The following CDKAL1 variants were observed in gnomAD, a reference collection of about 807,000 sequenced individuals.
CDKAL1 encodes threonylcarbamoyladenosine tRNA methylthiotransferase.
In CDKAL1, 32 loss-of-function variants were observed where a neutral mutation model predicts 68.2. That is an observed-to-expected ratio of 0.47 (90% CI 0.35 to 0.63). CDKAL1 has a LOEUF of 0.63. Ranked by LOEUF, CDKAL1 falls within the 30% of genes least tolerant of loss-of-function variation. The pLI is 0.00. For missense variants in CDKAL1, 606 were observed against 696.7 expected (o/e 0.87, Z 1.47); for synonymous variants, 234 against 244.3 (o/e 0.96, Z 0.39).
chr6:21,138,876 T>C (rs1775754565), intron 13 of CDKAL1, among the ~76,000 whole-genome samples: 1 of 152,198 alleles, frequency 6.6e-6, no homozygotes, highest in Admixed American at 6.5e-5. Context: ...GTCCAGTTTG[T>C]CTCCTCCGGC....
intron 5 of CDKAL1, among the ~76,000 whole-genome samples, chr6:20,722,987 C>G (rs1317770756): frequency 6.6e-6 from 1 of 152,150 alleles, no homozygotes; most frequent in Non-Finnish European, 1.5e-5. Flanking sequence ...TTTCCATCTT[C>G]ACCATCCTTC....
At chr6:20,861,274 A>G (rs1759611651) in intron 9 of CDKAL1, among the ~76,000 whole-genome samples, 1 of 152,192 alleles carries the variant, frequency 6.6e-6, no homozygotes, top group Non-Finnish European at 1.5e-5. Context: ...CATAAATGTA[A>G]GCGTACGTAA....
At chr6:20,989,731 T>A (rs562873902) in intron 10 of CDKAL1, among the ~76,000 whole-genome samples, 75 of 152,330 alleles carry the variant, frequency 4.9e-4, no homozygotes, top group Non-Finnish European at 9.7e-4. Flanking sequence ...GTTCATATAA[T>A]GTTTGTTTGA....
intron 9 of CDKAL1, among the ~76,000 whole-genome samples, chr6:20,931,000 C>T (rs1220256910): frequency 2.0e-5 from 3 of 152,080 alleles, no homozygotes; most frequent in Non-Finnish European, 4.4e-5. Context: ...GCCTCGGCCT[C>T]CCAAAATGCT....
chr6:20,826,743 A>C (rs1777518348), intron 8 of CDKAL1, among the ~76,000 whole-genome samples: 1 of 152,156 alleles, frequency 6.6e-6, no homozygotes, highest in Admixed American at 6.6e-5. Flanking sequence ...TCTCAACTGT[A>C]TATCTGTTTA....
intron 15 of CDKAL1, among the ~76,000 whole-genome samples, chr6:21,218,753 A>G (rs1402985862): frequency 3.3e-5 from 5 of 152,200 alleles, no homozygotes; most frequent in African/African-American, 1.2e-4. Flanking sequence ...TGGAAGCTAC[A>G]GTACTTTGTA....
chr6:20,559,884 G>C (rs1018462214), intron 4 of CDKAL1, among the ~76,000 whole-genome samples: 10 of 152,124 alleles, frequency 6.6e-5, no homozygotes, highest in Non-Finnish European at 1.0e-4. Context: ...TTTAGAAATA[G>C]CGTGTGTTTA....
intron 11 of CDKAL1, among the ~76,000 whole-genome samples, chr6:21,043,134 A>G (rs11753092): frequency 0.28 from 42,935 of 152,150 alleles, 6,279 homozygotes; most frequent in South Asian, 0.35. Flanking sequence ...CTAACTTAGC[A>G]GTAAGTGAGG....
chr6:20,641,039 A>G (rs908375254), intron 4 of CDKAL1, among the ~76,000 whole-genome samples: 7 of 152,202 alleles, frequency 4.6e-5, no homozygotes, highest in Non-Finnish European at 8.8e-5. Context: ...AATAGTTTGG[A>G]AAGTAAAGTG....
chr6:21,120,313 GCACTTACC>G (rs1267601410), intron 13 of CDKAL1, among the ~76,000 whole-genome samples: 1 of 152,124 alleles, frequency 6.6e-6, no homozygotes, highest in African/African-American at 2.4e-5. Flanking sequence ...ACTGTACAAG[GCACTTACC>G]CATCATCCCA....
chr6:20,588,832 G>A (rs1373873692), intron 4 of CDKAL1, among the ~76,000 whole-genome samples: 1 of 152,072 alleles, frequency 6.6e-6, no homozygotes, highest in African/African-American at 2.4e-5. Context: ...CTAAAAATGT[G>A]TTATTTTCTT....
At chr6:20,837,977 GTGTGTA>G (rs1210983566) in intron 8 of CDKAL1, among the ~76,000 whole-genome samples, 79 of 149,054 alleles carry the variant, frequency 5.3e-4, no homozygotes, top group Middle Eastern at 3.5e-3. Context: ...GTGTGTGTGT[GTGTGTA>G]TACTTCTATG....
chr6:20,733,881 G>A (rs1328061307), intron 5 of CDKAL1, among the ~76,000 whole-genome samples: 2 of 152,100 alleles, frequency 1.3e-5, no homozygotes, highest in Admixed American at 1.3e-4. Flanking sequence ...GGGCATGGTG[G>A]CTCATGCCTG....
At chr6:21,206,586 T>C (rs1778947356) in intron 15 of CDKAL1, among the ~76,000 whole-genome samples, 1 of 152,208 alleles carries the variant, frequency 6.6e-6, no homozygotes, top group Non-Finnish European at 1.5e-5. Flanking sequence ...ATAGTTTGAT[T>C]GCAAAGTTTT....
chr6:20,652,819 G>A (rs1373729151), intron 5 of CDKAL1, among the ~76,000 whole-genome samples: 1 of 152,148 alleles, frequency 6.6e-6, no homozygotes, highest in Non-Finnish European at 1.5e-5. Flanking sequence ...AGTGTAAGAA[G>A]TATAACATTG....
intron 9 of CDKAL1, among the ~76,000 whole-genome samples, chr6:20,903,580 A>G (rs1212173078): frequency 6.6e-6 from 1 of 152,168 alleles, no homozygotes; most frequent in Non-Finnish European, 1.5e-5. Context: ...CATTTTCTAT[A>G]TACTTGAACA....
At chr6:20,558,185 G>T (rs1764134180) in intron 4 of CDKAL1, among the ~76,000 whole-genome samples, 1 of 152,122 alleles carries the variant, frequency 6.6e-6, no homozygotes, top group Admixed American at 6.5e-5. Flanking sequence ...TTTTTTAAGG[G>T]GTAACTCCCA....
intron 5 of CDKAL1, among the ~76,000 whole-genome samples, chr6:20,723,198 C>T (rs1772469723): frequency 6.6e-6 from 1 of 152,210 alleles, no homozygotes; most frequent in African/African-American, 2.4e-5. Flanking sequence ...AGCACTGTAA[C>T]ACCCACTCTG....
At chr6:20,968,457 C>A (rs1469102759) in intron 10 of CDKAL1, among the ~76,000 whole-genome samples, 1 of 152,118 alleles carries the variant, frequency 6.6e-6, no homozygotes, top group Non-Finnish European at 1.5e-5. Context: ...CCGCACCCAG[C>A]CAATTAGTGC....
Sources: allele counts gnomAD v4.1 joint callset (sites outside exome capture counted in the v4.1 genomes callset), GRCh38; gene constraint gnomAD v4.1.1; transcripts MANE v1.5; gene names NCBI Gene and HGNC (gene_info 2026-07-23, HGNC 2026-07-21).